PARD3B: variants seen among roughly 807,000 people sequenced by gnomAD.
The protein encoded by PARD3B is par-3 family cell polarity regulator beta.
A neutral mutation model predicts 130.2 loss-of-function variants in PARD3B; 103 were observed. The observed-to-expected ratio is 0.79, with a 90% CI of 0.67 to 0.93. The LOEUF is 0.93. Among genes scored for constraint, PARD3B ranks in the 40% least tolerant of loss-of-function variants. The pLI is 0.00. For synonymous variants in PARD3B, 583 were observed against 553.2 expected, an observed-to-expected ratio of 1.05 and a Z score of -0.76; for missense variants, 1,609 against 1,499.2, an observed-to-expected ratio of 1.07 and a Z score of -1.21.
At chr2:205,067,657 G>A (rs573702449) in intron 4 of PARD3B, among the ~76,000 whole-genome samples, 21 of 152,264 alleles carry the variant, frequency 1.4e-4, no homozygotes, top group Admixed American at 7.2e-4. Flanking sequence ...AGTGGTATGT[G>A]TGTGGGTCTA....
chr2:205,534,281 G>A (rs1363735038), intron 21 of PARD3B, among the ~76,000 whole-genome samples: 1 of 152,160 alleles, frequency 6.6e-6, no homozygotes, highest in Non-Finnish European at 1.5e-5. Context: ...TAATGACCAG[G>A]AAGAAATATC....
chr2:205,609,685 T>C (rs1289685273), intron 22 of PARD3B, among the ~76,000 whole-genome samples: 2 of 152,248 alleles, frequency 1.3e-5, no homozygotes, highest in Admixed American at 1.3e-4. Flanking sequence ...AAGCCGGACA[T>C]TCACACCTCT....
intron 15 of PARD3B, among the ~76,000 whole-genome samples, chr2:205,194,055 T>C (rs1251185200): frequency 6.6e-6 from 1 of 152,158 alleles, no homozygotes; most frequent in Admixed American, 6.5e-5. Flanking sequence ...CATGGGCTCT[T>C]AGAGAGAACA....
intron 2 of PARD3B, among the ~76,000 whole-genome samples, chr2:204,789,926 A>G (rs2042142600): frequency 6.7e-6 from 1 of 149,458 alleles, no homozygotes; most frequent in East Asian, 2.0e-4. Context: ...GCTGGAGTGC[A>G]GTGGCGCGAT....
At chr2:204,782,141 AT>A (rs1435019961) in intron 2 of PARD3B, among the ~76,000 whole-genome samples, 15 of 152,194 alleles carry the variant, frequency 9.9e-5, no homozygotes, top group Admixed American at 9.8e-4. Flanking sequence ...TGGTTTCCTT[AT>A]GCCAGAATGC....
intron 1 of PARD3B, among the ~76,000 whole-genome samples, chr2:204,635,684 C>G (rs898343940): frequency 2.6e-5 from 4 of 152,112 alleles, no homozygotes; most frequent in Non-Finnish European, 2.9e-5. Flanking sequence ...AAGACACATC[C>G]TGGGATATGT....
At chr2:204,747,049 G>A (rs1574879200) in intron 2 of PARD3B, among the ~76,000 whole-genome samples, 1 of 152,126 alleles carries the variant, frequency 6.6e-6, no homozygotes, top group Non-Finnish European at 1.5e-5. Context: ...TGAAGTCCTT[G>A]CCCCTGCCTA....
intron 22 of PARD3B, among the ~76,000 whole-genome samples, chr2:205,588,952 G>C (rs912950089): frequency 2.0e-5 from 3 of 152,094 alleles, no homozygotes; most frequent in African/African-American, 7.2e-5. Flanking sequence ...CCTTAGAAAC[G>C]AATTTCCATG....
intron 15 of PARD3B, among the ~76,000 whole-genome samples, chr2:205,201,999 C>T (rs2037018919): frequency 6.6e-6 from 1 of 152,070 alleles, no homozygotes; most frequent in Admixed American, 6.6e-5. Flanking sequence ...GAGAACCTAC[C>T]TGTCAGAACT....
In PARD3B at chr2:204,597,915, A is replaced by T. The variant is rs868565814; in HGVS notation, c.120+51796A>T. Among the ~76,000 whole-genome samples the T allele has an allele frequency of 1.4e-4, 21 of 152,308 alleles. No homozygotes were observed. In the Middle Eastern group the frequency reaches 0.024, roughly 174 times the overall value. On this transcript the variant is annotated intron_variant, in intron 1 of 22. Coordinates refer to ENST00000406610, the MANE Select transcript of PARD3B (RefSeq NM_001302769.2). The stretch of plus-strand genomic sequence containing the variant: ...TATCCTGCATCAAAGAAATCACTGT[A>T]CCTTTGTTTAGTCCAGTGTTTAATG...
intron 13 of PARD3B, among the ~76,000 whole-genome samples, chr2:205,182,299 G>GAA (rs76520696): frequency 1.6e-5 from 2 of 123,294 alleles, no homozygotes; most frequent in African/African-American, 6.0e-5. Flanking sequence ...CTCAAAAAAA[G>GAA]AAAAAAAAAA....
intron 2 of PARD3B, among the ~76,000 whole-genome samples, chr2:204,725,320 A>G (rs535327540): frequency 7.2e-4 from 109 of 152,336 alleles, no homozygotes; most frequent in African/African-American, 2.5e-3. Context: ...TGGAAAAAGC[A>G]AGACAAATTG....
At chr2:205,387,782 G>T (rs900985109) in intron 18 of PARD3B, among the ~76,000 whole-genome samples, 1 of 152,112 alleles carries the variant, frequency 6.6e-6, no homozygotes, top group African/African-American at 2.4e-5. Context: ...TAAATCCAAA[G>T]CCAAATACAG....
At chr2:204,721,082 C>T (rs896880538) in intron 2 of PARD3B, among the ~76,000 whole-genome samples, 1 of 152,124 alleles carries the variant, frequency 6.6e-6, no homozygotes, top group Non-Finnish European at 1.5e-5. Flanking sequence ...GAGATCTCAC[C>T]TCGCTGCAAA....
At chr2:205,296,391 C>G (rs769729585) in intron 16 of PARD3B, among the ~76,000 whole-genome samples, 2 of 152,136 alleles carry the variant, frequency 1.3e-5, no homozygotes, top group Non-Finnish European at 2.9e-5. Flanking sequence ...GGCAGGAATC[C>G]AAGACTGAGT....
chr2:204,616,821 T>C (rs577517896), intron 1 of PARD3B, among the ~76,000 whole-genome samples: 1 of 152,274 alleles, frequency 6.6e-6, no homozygotes, highest in Admixed American at 6.5e-5. Flanking sequence ...GTGTGTCTCT[T>C]TGGACTGAGT....
At chr2:205,502,100 C>T (rs1317993642) in intron 21 of PARD3B, among the ~76,000 whole-genome samples, 1 of 152,180 alleles carries the variant, frequency 6.6e-6, no homozygotes, top group East Asian at 1.9e-4. Context: ...AGCATCCTTT[C>T]CTCTCCTCTC....
chr2:205,365,074 C>A (rs2044550587), intron 18 of PARD3B, among the ~76,000 whole-genome samples: 1 of 151,986 alleles, frequency 6.6e-6, no homozygotes. Flanking sequence ...GTGGCAGGCG[C>A]CTGTAATCCC....
chr2:205,395,232 C>G (rs1368952746), intron 18 of PARD3B, among the ~76,000 whole-genome samples: 1 of 152,190 alleles, frequency 6.6e-6, no homozygotes, highest in East Asian at 1.9e-4. Flanking sequence ...CCACCATTCA[C>G]TCTTCAGATC....
Sources: allele counts gnomAD v4.1 joint callset (sites outside exome capture counted in the v4.1 genomes callset), GRCh38; gene constraint gnomAD v4.1.1; transcripts MANE v1.5; gene names NCBI Gene and HGNC (gene_info 2026-07-23, HGNC 2026-07-21).